LRIF1: variants seen among roughly 807,000 people sequenced by gnomAD.
LRIF1 encodes ligand dependent nuclear receptor interacting factor 1.
LRIF1 carries 32 observed loss-of-function variants against 52.7 expected under a neutral mutation model. The observed-to-expected ratio is 0.61, with a 90% CI of 0.46 to 0.82. The LOEUF is 0.82. LRIF1 is among the 40% of genes least tolerant of loss of function. The pLI, the probability that LRIF1 is intolerant of heterozygous loss-of-function variation, is 0.00. For synonymous variants in LRIF1, 323 were observed against 317.4 expected (o/e 1.02, Z -0.19); for missense variants, 887 against 892.0 (o/e 0.99, Z 0.07).
chr1:110,948,707 G>T (rs1290679203), intron 3 of LRIF1, among the ~76,000 whole-genome samples: 1 of 152,056 alleles, frequency 6.6e-6, no homozygotes, highest in African/African-American at 2.4e-5. Flanking sequence ...AAAATTGATT[G>T]TTTTTTTCTT....
In LRIF1 at chr1:110,947,637, A is replaced by C. The variant is rs1456654232; in HGVS notation, c.*322T>G. On this transcript the variant is annotated 3_prime_UTR_variant, in exon 4 of 4. Transcript: ENST00000369763. ...TCTACTGCTGGAATAATGCCTGAGCAATTTAGGTAAAGATACAAACAATAA... is the reference window on the plus strand; with the variant it reads ...TCTACTGCTGGAATAATGCCTGAGCCATTTAGGTAAAGATACAAACAATAA... 1 of 189,020 alleles carries C rather than the reference A, an allele frequency of 5.3e-6. No homozygotes were observed. The highest frequency in any genetic ancestry group is 2.4e-5 in the African/African-American group (1 of 42,462). 11.7% of individuals were successfully genotyped at this position (189,020 alleles called of 1,614,324 possible). A position where few individuals can be genotyped will look rare whatever the true frequency, so the allele number is the denominator to read the frequency against.
intron 2 of LRIF1, among the ~76,000 whole-genome samples, chr1:110,950,379 A>G (rs940996400): frequency 6.6e-6 from 1 of 151,296 alleles, no homozygotes; most frequent in Non-Finnish European, 1.5e-5. Context: ...TAAAACAACT[A>G]AAATGAGAAT....
the LRIF1 span, chr1:110,896,807 T>A: frequency 8.0e-7 from 1 of 1,255,582 alleles, no homozygotes; most frequent in Non-Finnish European, 1.2e-6. Flanking sequence ...ACTGCAGTCA[T>A]AGAGGACCTA....
the LRIF1 span, chr1:110,938,652 A>G: frequency 6.6e-6 from 1 of 152,226 alleles, no homozygotes; most frequent in Non-Finnish European, 1.5e-5. Context: ...CTGGAACACA[A>G]TAAGGATGCC....
chr1:110,887,311 G>A, the LRIF1 span, among the ~76,000 whole-genome samples: 10 of 152,076 alleles, frequency 6.6e-5, no homozygotes, highest in South Asian at 2.1e-4. Context: ...TGATCCGCCC[G>A]CCTCGGCCTC....
Position 110,963,736 on chromosome 1 carries a change from G to C in LRIF1, c.-48C>G. 1 of 1,486,648 alleles carries C rather than the reference G, an allele frequency of 6.7e-7. No homozygotes were observed. Among genetic ancestry groups the C allele is most frequent in the Non-Finnish European group, 9.3e-7 (1 of 1,078,056 alleles). The allele number at this position is 1,486,648 out of a possible 1,614,324, so 92.1% of individuals were successfully genotyped here. On this transcript the variant is annotated 5_prime_UTR_variant, in exon 1 of 4. Coordinates refer to ENST00000369763, the MANE Select transcript of LRIF1 (RefSeq NM_018372.4). ...CCTCATCCAGAAAAGTGGGAAGCGT[G>C]GGGCCGAGTTTCCCAATGGGGCGAG...
intron 2 of LRIF1, among the ~76,000 whole-genome samples, chr1:110,950,952 C>T (rs1247783739): frequency 6.6e-6 from 1 of 152,028 alleles, no homozygotes; most frequent in East Asian, 1.9e-4. Context: ...TATGTATATA[C>T]ATATACTCAC....
At chr1:110,882,359 AAT>A in the LRIF1 span, among the ~76,000 whole-genome samples, 1 of 152,036 alleles carries the variant, frequency 6.6e-6, no homozygotes, top group African/African-American at 2.4e-5. Context: ...TTCATTCTGT[AAT>A]ATATTAATTT....
chr1:110,908,924 G>C, the LRIF1 span, among the ~76,000 whole-genome samples: 1 of 152,096 alleles, frequency 6.6e-6, no homozygotes, highest in East Asian at 1.9e-4. Flanking sequence ...CCATCCCCAA[G>C]CCACATTGTC....
intron 2 of LRIF1, among the ~76,000 whole-genome samples, chr1:110,950,826 C>A (rs925338604): frequency 4.6e-5 from 7 of 151,808 alleles, no homozygotes; most frequent in Admixed American, 3.9e-4. Flanking sequence ...CCATGGTATA[C>A]CACCACCACC....
chr1:110,906,644 T>C, the LRIF1 span, among the ~76,000 whole-genome samples: 2 of 152,252 alleles, frequency 1.3e-5, no homozygotes, highest in Admixed American at 6.5e-5. Flanking sequence ...TCTAATTTGA[T>C]TGGAATTCTA....
chr1:110,961,645 T>A (rs959275954), intron 1 of LRIF1, among the ~76,000 whole-genome samples: 1 of 152,094 alleles, frequency 6.6e-6, no homozygotes, highest in East Asian at 1.9e-4. Context: ...TAACAGGAAA[T>A]ATTTAAGCTA....
chr1:110,894,428 G>A, the LRIF1 span: 1 of 1,551,836 alleles, frequency 6.4e-7, no homozygotes, highest in Admixed American at 1.7e-5. Context: ...ACAACTTATT[G>A]TCTTAATACT....
the LRIF1 span, among the ~76,000 whole-genome samples, chr1:110,926,438 T>C: frequency 6.6e-6 from 1 of 151,852 alleles, no homozygotes; most frequent in Non-Finnish European, 1.5e-5. Flanking sequence ...AATTACACAA[T>C]ATATATATTA....
At chr1:110,884,073 A>G in the LRIF1 span, among the ~76,000 whole-genome samples, 3 of 151,852 alleles carry the variant, frequency 2.0e-5, no homozygotes, top group African/African-American at 7.2e-5. Context: ...TTAGTTTGTT[A>G]TACTTTTTCT....
At chr1:110,879,349 A>C in the LRIF1 span, among the ~76,000 whole-genome samples, 1 of 152,230 alleles carries the variant, frequency 6.6e-6, no homozygotes, top group African/African-American at 2.4e-5. Context: ...GCCCAAGGTC[A>C]CACTTCTGAT....
chr1:110,903,385 A>C, the LRIF1 span, among the ~76,000 whole-genome samples: 1 of 152,008 alleles, frequency 6.6e-6, no homozygotes, highest in Non-Finnish European at 1.5e-5. Context: ...GCTTAAGGAG[A>C]GGGGAGGGAA....
chr1:110,903,865 T>C, the LRIF1 span, among the ~76,000 whole-genome samples: 1 of 152,176 alleles, frequency 6.6e-6, no homozygotes, highest in Non-Finnish European at 1.5e-5. Context: ...GAACGGCATC[T>C]CTGGACCTGC....
chr1:110,894,345 A>C, the LRIF1 span: 1 of 1,614,082 alleles, frequency 6.2e-7, no homozygotes, highest in Admixed American at 1.7e-5. Context: ...CCTGCTGCTG[A>C]TTATCCTCCT....
Sources: gnomAD v4.1 joint callset for allele counts (sites outside exome capture counted in the v4.1 genomes callset) on GRCh38, gnomAD v4.1.1 for gene constraint, MANE v1.5 for transcripts, NCBI Gene and HGNC (gene_info 2026-07-23, HGNC 2026-07-21) for gene names.